PRMT8: variants seen among roughly 807,000 people sequenced by gnomAD.
The protein encoded by PRMT8 is protein arginine methyltransferase 8, also known as protein arginine N-methyltransferase 8.
Under a neutral mutation model 47.1 loss-of-function variants are expected in PRMT8, and 7 were observed. The ratio of observed to expected loss-of-function variants is 0.15; its 90% CI spans 0.08 to 0.28. The LOEUF is 0.28. Ranked by LOEUF, PRMT8 falls within the 10% of genes least tolerant of loss-of-function variation. PRMT8 has a pLI of 1.00. For missense variants in PRMT8, 237 were observed against 505.4 expected (o/e 0.47, Z 5.09); for synonymous variants, 188 against 186.5 (o/e 1.01, Z -0.07).
intron 1 of PRMT8, among the ~76,000 whole-genome samples, chr12:3,519,033 C>T (rs185032129): frequency 1.4e-4 from 21 of 152,204 alleles, no homozygotes; most frequent in African/African-American, 2.9e-4. Context: ...AGGGGAGAGC[C>T]GGCCACACAG....
intron 1 of PRMT8, among the ~76,000 whole-genome samples, chr12:3,387,833 A>G (rs1864156143): frequency 6.6e-6 from 1 of 152,240 alleles, no homozygotes; most frequent in Middle Eastern, 3.2e-3. Flanking sequence ...ATTTGAATAT[A>G]TTGAATTACA....
At chr12:3,398,717 T>G (rs1215069293) in intron 1 of PRMT8, among the ~76,000 whole-genome samples, 1 of 151,942 alleles carries the variant, frequency 6.6e-6, no homozygotes, top group African/African-American at 2.4e-5. Context: ...ACTGGTAGAG[T>G]CAAGACATGA....
chr12:3,548,148 T>G (rs1866358465), intron 2 of PRMT8, among the ~76,000 whole-genome samples: 1 of 152,102 alleles, frequency 6.6e-6, no homozygotes, highest in African/African-American at 2.4e-5. Flanking sequence ...GGACCATTTA[T>G]TTGCAAGAAA....
intron 7 of PRMT8, among the ~76,000 whole-genome samples, chr12:3,578,452 G>A (rs1866990705): frequency 6.6e-6 from 1 of 151,590 alleles, no homozygotes; most frequent in Admixed American, 6.6e-5. Context: ...TCAAACTCCT[G>A]GGCTTAAGTG....
chr12:3,563,532 T>C (rs1591604639), intron 4 of PRMT8, among the ~76,000 whole-genome samples: 1 of 151,860 alleles, frequency 6.6e-6, no homozygotes, highest in Middle Eastern at 3.4e-3. Flanking sequence ...ACATCCTTTT[T>C]CCCATCACTC....
rs113939599 is a variant in PRMT8 at position 3,462,142 on chromosome 12, T to A, written c.49-78464T>A. 8.0e-3 allele frequency among the ~76,000 whole-genome samples: 1,216 copies of A among 152,100 alleles called. 10 individuals are homozygous for A. The highest frequency in any genetic ancestry group is 8.2e-3 in the Non-Finnish European group (561 of 68,030). On this transcript the variant is annotated intron_variant, in intron 1 of 9. Transcript: ENST00000452611. ...CCCACTTATAAGTGAGAACTTGCGG[T>A]ATTTGGTTTTCTGTTCTTGTGTTAG...
At position 3,470,478 on chromosome 12, in the gene PRMT8, T is replaced by C. The variant is rs551611384; in HGVS notation, c.49-70128T>C. On this transcript the variant is annotated intron_variant, in intron 1 of 9. Transcript: ENST00000452611. Reference sequence around the variant, plus strand: ...ACCTGCCAACCTTCCCCAGGCTGTCTACCATGTTTTTCTCACTAAGTGGGA... The same window carrying C: ...ACCTGCCAACCTTCCCCAGGCTGTCCACCATGTTTTTCTCACTAAGTGGGA... Among the ~76,000 whole-genome samples the C allele has an allele frequency of 8.5e-5, 13 of 152,264 alleles. No individual in the cohort carries two copies. In the South Asian group the frequency reaches 2.3e-3, roughly 27 times the overall value.
intron 1 of PRMT8, among the ~76,000 whole-genome samples, chr12:3,397,438 C>G (rs963653696): frequency 4.0e-5 from 6 of 150,680 alleles, no homozygotes; most frequent in Admixed American, 1.3e-4. Context: ...CAGACAGGAC[C>G]CTCAGCTGCA....
chr12:3,394,642 T>C (rs1864229393), intron 1 of PRMT8, among the ~76,000 whole-genome samples: 1 of 152,188 alleles, frequency 6.6e-6, no homozygotes, highest in Admixed American at 6.5e-5. Context: ...TTTGCATCAA[T>C]GTTCATCAAG....
At position 3,435,157 on chromosome 12, in the gene PRMT8, T is replaced by C. The variant is rs1405347027; in HGVS notation, c.48+53715T>C. On this transcript the variant is annotated intron_variant, in intron 1 of 9. Transcript: ENST00000452611. Reference sequence around the variant, plus strand: ...CTAATTTTTGTATTTTTAGTAGAGATGGGGTTTCACCATGTTGGCCAGGCT... The same window carrying C: ...CTAATTTTTGTATTTTTAGTAGAGACGGGGTTTCACCATGTTGGCCAGGCT... Among the ~76,000 whole-genome samples, 7 of 151,320 alleles carry C rather than the reference T, an allele frequency of 4.6e-5. No homozygotes were observed. In the South Asian group the frequency reaches 8.4e-4, roughly 18 times the overall value.
chr12:3,458,364 G>C (rs1351954106), intron 1 of PRMT8, among the ~76,000 whole-genome samples: 1 of 152,176 alleles, frequency 6.6e-6, no homozygotes, highest in Non-Finnish European at 1.5e-5. Context: ...GTGCTGATGG[G>C]CACAGAGCTG....
intron 1 of PRMT8, among the ~76,000 whole-genome samples, chr12:3,422,553 A>AT (rs1440512876): frequency 6.6e-6 from 1 of 152,192 alleles, no homozygotes; most frequent in African/African-American, 2.4e-5. Context: ...AAGGGTTGTG[A>AT]TTGATTGAGC....
chr12:3,402,560 G>A (rs1484323450), intron 1 of PRMT8, among the ~76,000 whole-genome samples: 1 of 152,208 alleles, frequency 6.6e-6, no homozygotes, highest in Non-Finnish European at 1.5e-5. Context: ...GAAAATGTTT[G>A]CAATCCATCC....
chr12:3,437,622 CTATATATATATA>C (rs57504454), intron 1 of PRMT8, among the ~76,000 whole-genome samples: 14 of 142,860 alleles, frequency 9.8e-5, no homozygotes, highest in Non-Finnish European at 1.2e-4. Context: ...TGCATTCAGG[CTATATATATATA>C]TATATATATA....
chr12:3,381,853 G>A (rs991277532), intron 1 of PRMT8, among the ~76,000 whole-genome samples: 1 of 152,006 alleles, frequency 6.6e-6, no homozygotes, highest in African/African-American at 2.4e-5. Flanking sequence ...TCATAGCCAC[G>A]CCCACTTCCC....
At chr12:3,490,014 T>C (rs536580610), upstream of PRMT8, among the ~76,000 whole-genome samples, 3 of 152,268 alleles carry the variant, frequency 2.0e-5, no homozygotes, top group Admixed American at 1.3e-4. Flanking sequence ...CTAGACCTTT[T>C]CTTCAATGGA....
intron 4 of PRMT8, among the ~76,000 whole-genome samples, chr12:3,567,430 T>G (rs1866739941): frequency 6.6e-6 from 1 of 152,154 alleles, no homozygotes; most frequent in Admixed American, 6.5e-5. Context: ...GGGCACCCAT[T>G]TGGTATTGAG....
At chr12:3,471,268 C>T (rs1865159609) in intron 1 of PRMT8, among the ~76,000 whole-genome samples, 1 of 151,992 alleles carries the variant, frequency 6.6e-6, no homozygotes, top group South Asian at 2.1e-4. Flanking sequence ...AGTGGGAGTG[C>T]GGTGGCTTGC....
chr12:3,431,420 G>T (rs1293166579), intron 1 of PRMT8, among the ~76,000 whole-genome samples: 2 of 152,192 alleles, frequency 1.3e-5, no homozygotes, highest in Non-Finnish European at 2.9e-5. Flanking sequence ...CCAGAAGGCA[G>T]AGGCCTCCAG....
Sources: gnomAD v4.1 joint callset for allele counts (sites outside exome capture counted in the v4.1 genomes callset) on GRCh38, gnomAD v4.1.1 for gene constraint, MANE v1.5 for transcripts, NCBI Gene and HGNC (gene_info 2026-07-23, HGNC 2026-07-21) for gene names.